The following CSMD1 variants were observed in gnomAD, a reference collection of about 807,000 sequenced individuals.
CSMD1 encodes the protein CUB and Sushi multiple domains 1.
Under a neutral mutation model 417.5 loss-of-function variants are expected in CSMD1, and 213 were observed. That is an observed-to-expected ratio of 0.51 (90% CI 0.46 to 0.57). The LOEUF (loss-of-function observed/expected upper bound fraction) is 0.57, where lower values mean the gene tolerates loss of function less well. Ranked by LOEUF, CSMD1 falls within the 20% of genes least tolerant of loss-of-function variation. The pLI is 0.00. For synonymous variants in CSMD1, 2,862 were observed against 1,736.8 expected (o/e 1.65, Z -16.11); for missense variants, 6,923 against 4,529.7 (o/e 1.53, Z -15.17).
intron 67 of CSMD1, among the ~76,000 whole-genome samples, 184 bp downstream of exon 67, chr8:2,950,047 G>C (rs1028270757): frequency 1.3e-5 from 2 of 152,020 alleles, no homozygotes; most frequent in Non-Finnish European, 2.9e-5. Context: ...CTTAGACCTG[G>C]TTTCTTCCCT....
At chr8:4,684,277 G>A (rs1356357888) in intron 1 of CSMD1, among the ~76,000 whole-genome samples, 3 of 152,070 alleles carry the variant, frequency 2.0e-5, no homozygotes, top group Admixed American at 6.6e-5. Flanking sequence ...ATTTTTAATC[G>A]TGCAAAAAAT....
At chr8:4,372,761 G>A (rs574084029) in intron 3 of CSMD1, among the ~76,000 whole-genome samples, 8 of 151,188 alleles carry the variant, frequency 5.3e-5, no homozygotes, top group South Asian at 2.1e-4. Context: ...AAAAAAAGTA[G>A]CATTGGATAA....
chr8:4,778,710 G>A (rs929021116), intron 1 of CSMD1, among the ~76,000 whole-genome samples: 5 of 152,048 alleles, frequency 3.3e-5, no homozygotes, highest in South Asian at 2.1e-4. Context: ...ACTTTCCATG[G>A]GACTATGCCC....
At chr8:3,605,164 G>C (rs563464048) in intron 8 of CSMD1, among the ~76,000 whole-genome samples, 7 of 152,132 alleles carry the variant, frequency 4.6e-5, no homozygotes, top group Non-Finnish European at 7.4e-5. Context: ...GCTAATTTTT[G>C]TATTTTTAGT....
intron 2 of CSMD1, among the ~76,000 whole-genome samples, chr8:4,452,305 A>G (rs1005730284): frequency 6.6e-6 from 1 of 152,200 alleles, no homozygotes; most frequent in African/African-American, 2.4e-5. Context: ...TATTTAGGTG[A>G]ATTATTTCTA....
At chr8:3,802,775 C>G (rs187503490) in intron 5 of CSMD1, among the ~76,000 whole-genome samples, 6 of 152,072 alleles carry the variant, frequency 3.9e-5, no homozygotes, top group African/African-American at 1.4e-4. Flanking sequence ...AAATTTAAAG[C>G]TTAGCTCCCT....
At chr8:4,560,051 T>G (rs779602060) in intron 2 of CSMD1, among the ~76,000 whole-genome samples, 28 of 152,342 alleles carry the variant, frequency 1.8e-4, no homozygotes, top group Admixed American at 4.6e-4. Context: ...CCTGCCACCC[T>G]TGGGGTCCTC....
intron 25 of CSMD1, among the ~76,000 whole-genome samples, chr8:3,304,926 G>A (rs1234849229): frequency 2.0e-5 from 3 of 151,956 alleles, no homozygotes; most frequent in African/African-American, 4.8e-5. Flanking sequence ...TTTATATAAA[G>A]TCATTCCATT....
chr8:4,251,598 G>A (rs1388771094), intron 3 of CSMD1, among the ~76,000 whole-genome samples: 1 of 152,172 alleles, frequency 6.6e-6, no homozygotes, highest in Non-Finnish European at 1.5e-5. Context: ...AAAAGTAAAT[G>A]AGACAGGTTT....
At chr8:4,275,003 A>G (rs979825787) in intron 3 of CSMD1, among the ~76,000 whole-genome samples, 4 of 152,324 alleles carry the variant, frequency 2.6e-5, no homozygotes, top group Non-Finnish European at 5.9e-5. Context: ...TGACAGGTAT[A>G]AATAGTTAAT....
intron 1 of CSMD1, among the ~76,000 whole-genome samples, chr8:4,650,298 T>A (rs1013410151): frequency 7.5e-6 from 1 of 132,506 alleles, no homozygotes; most frequent in Non-Finnish European, 1.5e-5. Flanking sequence ...TGAGCCTAGA[T>A]GGTGCCACTG....
chr8:3,718,457 A>C (rs1801963690), intron 6 of CSMD1, among the ~76,000 whole-genome samples: 2 of 152,214 alleles, frequency 1.3e-5, no homozygotes, highest in South Asian at 4.1e-4. Context: ...TGATGTTATA[A>C]GTCATCTTTT....
chr8:4,363,836 G>C lies in CSMD1; in HGVS notation c.415+56117C>G, dbSNP rs539884408. Among the ~76,000 whole-genome samples, 5 of 152,132 alleles carry C rather than the reference G, an allele frequency of 3.3e-5. No homozygotes were observed. The East Asian group carries it at 9.6e-4, about 29-fold the overall frequency. On this transcript the variant is annotated intron_variant, in intron 3 of 69. Coordinates refer to ENST00000635120, the MANE Select transcript of CSMD1 (RefSeq NM_033225.6). The stretch of plus-strand genomic sequence containing the variant: ...CATCACATGTTCTCACTTATTTGTG[G>C]GATCTGAAAATCAAAACAATAGAAC...
intron 3 of CSMD1, among the ~76,000 whole-genome samples, chr8:4,135,501 C>T (rs998140253): frequency 6.6e-6 from 1 of 151,758 alleles, no homozygotes; most frequent in Non-Finnish European, 1.5e-5. Context: ...CATATAAAAC[C>T]AAAGCTTTAG....
chr8:4,768,903 G>T (rs548469797), intron 1 of CSMD1, among the ~76,000 whole-genome samples: 1 of 152,290 alleles, frequency 6.6e-6, no homozygotes, highest in South Asian at 2.1e-4. Context: ...GAGTCTTCCA[G>T]CAATCTTGAT....
intron 3 of CSMD1, among the ~76,000 whole-genome samples, chr8:4,189,353 TAATA>T (rs1798877670): frequency 6.6e-6 from 1 of 152,190 alleles, no homozygotes; most frequent in African/African-American, 2.4e-5. Context: ...GGAATAATGA[TAATA>T]AATAATATTA....
chr8:4,180,605 A>T (rs75839133), intron 3 of CSMD1, among the ~76,000 whole-genome samples: 1 of 152,168 alleles, frequency 6.6e-6, no homozygotes, highest in East Asian at 1.9e-4. Flanking sequence ...AAAATAAAAT[A>T]AAATACAAAA....
At chr8:3,990,676 G>C (rs947503200) in intron 5 of CSMD1, among the ~76,000 whole-genome samples, 1 of 152,172 alleles carries the variant, frequency 6.6e-6, no homozygotes, top group South Asian at 2.1e-4. Context: ...GCTATTTCTA[G>C]AATTTGTGAA....
chr8:4,031,949 G>T lies in CSMD1; in HGVS notation c.566C>A (p.Pro189Gln). 1 of 1,613,918 alleles carries T rather than the reference G, an allele frequency of 6.2e-7. No homozygotes were observed. Among genetic ancestry groups the T allele is most frequent in the Non-Finnish European group, 8.5e-7 (1 of 1,179,888 alleles). ...GAAGTCCCACGATGCACCATTTCCT[G>T]GGCTGACGATGCAGGTCAGGATGGC... ...GHAILTCIVS[P>Q]GNGASWDFPA... is the part of the protein sequence containing the mutation. Residue 189 changes from proline (P) to glutamine (Q), a missense_variant, in exon 4 of 70, where the codon CCA becomes CAA. Physicochemically the swap from Pro to Gln is moderately conservative, Grantham distance 76 (BLOSUM62 -1). Transcript: ENST00000635120.
Sources: allele counts gnomAD v4.1 joint callset (sites outside exome capture counted in the v4.1 genomes callset), GRCh38; gene constraint gnomAD v4.1.1; transcripts MANE v1.5; gene names NCBI Gene and HGNC (gene_info 2026-07-23, HGNC 2026-07-21).